The following MTO1 variants were observed in gnomAD, a reference collection of about 807,000 sequenced individuals.
The protein encoded by MTO1 is 5-taurinomethyluridine-[tRNA] synthase subunit MTO1, mitochondrial.
Under a neutral mutation model 71.6 loss-of-function variants are expected in MTO1, and 46 were observed. The observed-to-expected ratio is 0.64, with a 90% confidence interval of 0.51 to 0.82. MTO1 has a LOEUF of 0.82. MTO1 is among the 40% of genes least tolerant of loss of function. MTO1 has a pLI of 0.00. For missense variants in MTO1, 773 were observed against 867.5 expected, an observed-to-expected ratio of 0.89 and a Z score of 1.37; for synonymous variants, 297 against 312.1, an observed-to-expected ratio of 0.95 and a Z score of 0.51.
chr6:73,495,232 T>C (rs1287088072), intron 10 of MTO1, among the ~76,000 whole-genome samples: 3 of 152,170 alleles, frequency 2.0e-5, no homozygotes, highest in African/African-American at 4.8e-5. Flanking sequence ...CTAGAATTAT[T>C]CTTCCAAATT....
At chr6:73,472,495 C>T (rs1477454951) in intron 3 of MTO1, among the ~76,000 whole-genome samples, 1 of 152,068 alleles carries the variant, frequency 6.6e-6, no homozygotes, top group South Asian at 2.1e-4. Flanking sequence ...ATTCTCTCTC[C>T]TAGATTGCTT....
chr6:73,499,016 C>T (rs970594422), intron 11 of MTO1, among the ~76,000 whole-genome samples: 3 of 152,090 alleles, frequency 2.0e-5, no homozygotes, highest in Non-Finnish European at 2.9e-5. Context: ...CGTGAGCCAC[C>T]GTGCCTGGCC....
intron 9 of MTO1, among the ~76,000 whole-genome samples, chr6:73,490,777 G>T (rs1274446279): frequency 1.3e-5 from 2 of 151,546 alleles, no homozygotes; most frequent in African/African-American, 4.8e-5. Flanking sequence ...CAAAATAAAG[G>T]TATATGTAAA....
At chr6:73,489,752 G>C (rs1046150240) in intron 9 of MTO1, among the ~76,000 whole-genome samples, 1 of 152,108 alleles carries the variant, frequency 6.6e-6, no homozygotes. Flanking sequence ...ACATACGTGT[G>C]CATGTGTCTT....
In MTO1 at chr6:73,492,276, A is replaced by C. The variant is rs1215865193; in HGVS notation, c.1680A>C (p.Ser560=). 4.3e-6 allele frequency: 7 copies of C among 1,613,902 alleles called. No homozygotes were observed. Among genetic ancestry groups the C allele is most frequent in the African/African-American group, 1.3e-5 (1 of 74,942 alleles). The change falls in exon 10 of 12, where the codon TCA becomes TCC. Residue 560 remains serine (S), a synonymous_variant. Coordinates refer to ENST00000498286, the MANE Select transcript of MTO1 (RefSeq NM_012123.4). ...AGTATGAGGAAGTTGACATGGATTC[A>C]TTAGCCAAGGCTGTTCCAGAGCCCT... ...VLKYEEVDMD[S]LAKAVPEPLK...
intron 9 of MTO1, among the ~76,000 whole-genome samples, chr6:73,485,471 C>T (rs1274971720): frequency 6.7e-6 from 1 of 150,216 alleles, no homozygotes; most frequent in African/African-American, 2.5e-5. Context: ...CGGAGTCTCA[C>T]TCTGTCACCT....
rs181557681 is a variant in MTO1 at position 73,499,999 on chromosome 6, C to T, written c.1918-575C>T. ...CAAAAACATATGGCTTCAAGGATTTCATTTCATTTTATTTTTTTGAGAGAG... is the reference window on the plus strand; with the variant it reads ...CAAAAACATATGGCTTCAAGGATTTTATTTCATTTTATTTTTTTGAGAGAG... On this transcript the variant is annotated intron_variant, in intron 11 of 11. Transcript: ENST00000498286. 5.3e-5 allele frequency among the ~76,000 whole-genome samples: 8 copies of T among 152,230 alleles called. No homozygotes were observed. The East Asian group carries it at 1.5e-3, about 29-fold the overall frequency.
In MTO1 at chr6:73,504,846, A is replaced by G. The variant is rs1270246833; in HGVS notation, c.*4111A>G. The G allele has an allele frequency of 6.6e-6, 1 of 152,158 alleles. No individual in the cohort carries two copies. Among genetic ancestry groups the G allele is most frequent in the Non-Finnish European group, 1.5e-5 (1 of 68,044 alleles). The allele number at this position is 152,158 out of a possible 1,614,324, so 9.4% of individuals were successfully genotyped here. On this transcript the variant is annotated 3_prime_UTR_variant, in exon 12 of 12. Transcript: ENST00000498286. ...GGCTGCAGTGAGTTGATAGCATGCC[A>G]CCACACTCCAGCCTGGGCAACAGAG...
At chr6:73,465,673 T>C (rs959393998) in intron 1 of MTO1, among the ~76,000 whole-genome samples, 3 of 151,936 alleles carry the variant, frequency 2.0e-5, no homozygotes, top group Non-Finnish European at 4.4e-5. Flanking sequence ...AGTAAAAATA[T>C]GCATCAAGGA....
chr6:73,503,675 G>A lies in MTO1; in HGVS notation c.*2940G>A, dbSNP rs1401243777. ...TCACCACAGACCAGACTGCCTACCA[G>A]TTGAAAAAGCCAGGTATTTTTTCAA... On this transcript the variant is annotated 3_prime_UTR_variant, in exon 12 of 12. Coordinates refer to ENST00000498286, the MANE Select transcript of MTO1 (RefSeq NM_012123.4). The A allele has an allele frequency of 6.6e-6, 1 of 152,110 alleles. No individual in the cohort carries two copies. Among genetic ancestry groups the A allele is most frequent in the Non-Finnish European group, 1.5e-5 (1 of 68,032 alleles). The allele number at this position is 152,110 out of a possible 1,614,324, so 9.4% of individuals were successfully genotyped here.
chr6:73,489,219 A>G (rs2150040918), intron 9 of MTO1, among the ~76,000 whole-genome samples: 1 of 151,032 alleles, frequency 6.6e-6, no homozygotes, highest in East Asian at 1.9e-4. Context: ...TGGTCTTGGT[A>G]TGCTTGTCAA....
rs771545778 is a variant in MTO1 at position 73,482,244 on chromosome 6, G to A, written c.1465G>A (p.Gly489Arg). Residue 489 changes from glycine to arginine, a missense_variant and splice_region_variant, in exon 8 of 12, where the codon GGG becomes AGG. Transcript: ENST00000498286. ...TGCTGACAGCCGGCTCACACTGCGA[G>A]GTAACTCTTTCCTGAGTCCTGCAAT... Reference protein sequence around the residue: ...DNADSRLTLRGYKDAGCVSQQ... With the variant: ...DNADSRLTLRRYKDAGCVSQQ... 3 of 1,613,980 alleles carry A rather than the reference G, an allele frequency of 1.9e-6. No homozygotes were observed. The highest frequency in any genetic ancestry group is 2.5e-6 in the Non-Finnish European group (3 of 1,179,968).
At chr6:73,467,819 GTTTGTT>G (rs1187847691) in intron 3 of MTO1, among the ~76,000 whole-genome samples, 3 of 151,342 alleles carry the variant, frequency 2.0e-5, no homozygotes, top group Non-Finnish European at 4.4e-5. Context: ...TTTTTTGTTT[GTTTGTT>G]TTTGTTTTTG....
chr6:73,482,723 A>C, intron 9 of MTO1, 103 bp downstream of exon 9: 1 of 899,938 alleles, frequency 1.1e-6, no homozygotes, highest in Non-Finnish European at 1.6e-6. Flanking sequence ...TACACATTTC[A>C]AATGAATGTA....
At chr6:73,494,604 G>A (rs1771929228) in intron 10 of MTO1, among the ~76,000 whole-genome samples, 1 of 151,516 alleles carries the variant, frequency 6.6e-6, no homozygotes, top group Non-Finnish European at 1.5e-5. Context: ...AGCCTCCTGA[G>A]TAGCTGTGAG....
intron 11 of MTO1, 55 bp from the exon 12 acceptor site, chr6:73,500,519 A>G: frequency 6.8e-7 from 1 of 1,478,434 alleles, no homozygotes; most frequent in Non-Finnish European, 9.2e-7. Context: ...AGGAAAATAG[A>G]TTTGATTTGA....
At chr6:73,483,584 G>C (rs1008195501) in intron 9 of MTO1, among the ~76,000 whole-genome samples, 2 of 151,964 alleles carry the variant, frequency 1.3e-5, no homozygotes, top group African/African-American at 4.8e-5. Flanking sequence ...GGAATGATCT[G>C]ATCTTGTCCA....
At chr6:73,495,356 T>C (rs1771953661) in intron 10 of MTO1, among the ~76,000 whole-genome samples, 1 of 152,186 alleles carries the variant, frequency 6.6e-6, no homozygotes, top group Non-Finnish European at 1.5e-5. Context: ...GGCTGTTAGC[T>C]CTGGGGAAGA....
rs1168041486 is a variant in MTO1 at position 73,473,390 on chromosome 6, G to C, written c.561G>C (p.Glu187Asp). 1 of 1,613,902 alleles carries C rather than the reference G, an allele frequency of 6.2e-7. No homozygotes were observed. The highest frequency in any genetic ancestry group is 8.5e-7 in the Non-Finnish European group (1 of 1,179,940). Residue 187 changes from glutamate (E) to aspartate (D), a missense_variant, in exon 4 of 12, where the codon GAG becomes GAC. Coordinates refer to ENST00000498286, the MANE Select transcript of MTO1 (RefSeq NM_012123.4). ...VLVDGSTVYA[E>D]SVILTTGTFL... ...TGGATGGAAGCACAGTATATGCAGA[G>C]AGTGTGATTCTGACTACTGGGACAT... is the stretch of plus-strand genomic sequence containing the variant.
Sources: allele counts gnomAD v4.1 joint callset (sites outside exome capture counted in the v4.1 genomes callset), GRCh38; gene constraint gnomAD v4.1.1; transcripts MANE v1.5; gene names NCBI Gene and HGNC (gene_info 2026-07-23, HGNC 2026-07-21).